Variants in PPARGC1A observed in about 807,000 individuals in gnomAD.
The protein encoded by PPARGC1A is PPARG coactivator 1 alpha, also known as peroxisome proliferator-activated receptor gamma coactivator 1-alpha.
In PPARGC1A, 25 loss-of-function variants were observed where a neutral mutation model predicts 88.7. The observed-to-expected ratio is 0.28, with a 90% CI of 0.21 to 0.39. The LOEUF (loss-of-function observed/expected upper bound fraction) is 0.39. PPARGC1A is among the 10% of genes least tolerant of loss of function. PPARGC1A has a pLI of 1.00. For synonymous variants in PPARGC1A, 363 were observed against 355.6 expected (o/e 1.02, Z -0.24); for missense variants, 880 against 968.7 (o/e 0.91, Z 1.22).
At chr4:24,133,527 C>T in the PPARGC1A span, among the ~76,000 whole-genome samples, 18 of 152,278 alleles carry the variant, frequency 1.2e-4, no homozygotes, top group Non-Finnish European at 2.1e-4. Flanking sequence ...TTCGTTATCA[C>T]GTCTTCGTTG....
the PPARGC1A span, among the ~76,000 whole-genome samples, chr4:24,355,544 A>G: frequency 1.3e-5 from 2 of 152,142 alleles, no homozygotes; most frequent in Admixed American, 1.3e-4. Context: ...AATGGCTGTC[A>G]CTGTGAAAAA....
At chr4:24,019,214 T>C in the PPARGC1A span, among the ~76,000 whole-genome samples, 1 of 152,284 alleles carries the variant, frequency 6.6e-6, no homozygotes, top group East Asian at 1.9e-4. Flanking sequence ...AACCAAATCT[T>C]TGGACATATT....
the PPARGC1A span, among the ~76,000 whole-genome samples, chr4:23,948,223 T>C: frequency 1.3e-5 from 2 of 152,186 alleles, no homozygotes; most frequent in Non-Finnish European, 2.9e-5. Flanking sequence ...TAAAACACCG[T>C]TGCTTCCCTC....
At chr4:24,009,774 G>A in the PPARGC1A span, among the ~76,000 whole-genome samples, 1 of 152,172 alleles carries the variant, frequency 6.6e-6, no homozygotes, top group Admixed American at 6.5e-5. Flanking sequence ...TGTAGCTCTG[G>A]TCCCAGCAAT....
At chr4:24,317,605 C>T in the PPARGC1A span, among the ~76,000 whole-genome samples, 4 of 95,182 alleles carry the variant, frequency 4.2e-5, no homozygotes, top group East Asian at 1.3e-3. Context: ...AACACCACCA[C>T]CAAAAGGGCT....
At chr4:24,327,873 C>T in the PPARGC1A span, among the ~76,000 whole-genome samples, 80 of 152,266 alleles carry the variant, frequency 5.3e-4, 1 homozygote, top group African/African-American at 1.4e-3. Flanking sequence ...GTGACTTGCA[C>T]GTGTATGCCC....
At chr4:24,213,039 A>C in the PPARGC1A span, among the ~76,000 whole-genome samples, 2 of 152,034 alleles carry the variant, frequency 1.3e-5, no homozygotes, top group African/African-American at 4.8e-5. Flanking sequence ...CCTGACCTAG[A>C]GCAAAGACCC....
At chr4:24,158,355 T>C in the PPARGC1A span, among the ~76,000 whole-genome samples, 1 of 152,214 alleles carries the variant, frequency 6.6e-6, no homozygotes, top group African/African-American at 2.4e-5. Context: ...ATTTATTATC[T>C]GTCTTCCGCC....
At chr4:24,259,140 G>A in the PPARGC1A span, among the ~76,000 whole-genome samples, 13 of 152,108 alleles carry the variant, frequency 8.5e-5, no homozygotes, top group African/African-American at 2.4e-4. Flanking sequence ...ATGAGTTTGG[G>A]TTCTGTGTAT....
chr4:24,387,746 AAGAGAGAG>A, the PPARGC1A span, among the ~76,000 whole-genome samples: 121 of 61,170 alleles, frequency 2.0e-3, 3 homozygotes, highest in Middle Eastern at 0.014. Context: ...GAAAGAAAGA[AAGAGAGAG>A]AGAGAGAGAG....
the PPARGC1A span, among the ~76,000 whole-genome samples, chr4:24,127,926 A>C: frequency 6.6e-6 from 1 of 152,330 alleles, no homozygotes; most frequent in Non-Finnish European, 1.5e-5. Flanking sequence ...GAATAGAATC[A>C]GACAAAGACT....
chr4:24,205,644 C>A, the PPARGC1A span, among the ~76,000 whole-genome samples: 1 of 152,042 alleles, frequency 6.6e-6, no homozygotes, highest in African/African-American at 2.4e-5. Flanking sequence ...TGCACACACC[C>A]ACACGCTCCG....
chr4:23,993,406 C>G, the PPARGC1A span, among the ~76,000 whole-genome samples: 1 of 152,124 alleles, frequency 6.6e-6, no homozygotes, highest in African/African-American at 2.4e-5. Context: ...AGATAAATTG[C>G]TGACATCTAA....
At chr4:24,302,361 T>C in the PPARGC1A span, among the ~76,000 whole-genome samples, 2 of 152,186 alleles carry the variant, frequency 1.3e-5, no homozygotes, top group Non-Finnish European at 2.9e-5. Flanking sequence ...AACTTTGAAA[T>C]TAGTGAGCAC....
At chr4:24,353,345 T>G in the PPARGC1A span, among the ~76,000 whole-genome samples, 1 of 150,574 alleles carries the variant, frequency 6.6e-6, no homozygotes, top group African/African-American at 2.5e-5. Flanking sequence ...GATTGAGAGA[T>G]GAGCCATTTC....
At chr4:23,864,063 A>T (rs1489880976) in intron 2 of PPARGC1A, among the ~76,000 whole-genome samples, 1 of 152,088 alleles carries the variant, frequency 6.6e-6, no homozygotes, top group African/African-American at 2.4e-5. Context: ...ATCTATTTCA[A>T]AGGCAACCTC....
At chr4:24,040,197 C>T in the PPARGC1A span, among the ~76,000 whole-genome samples, 1 of 152,192 alleles carries the variant, frequency 6.6e-6, no homozygotes, top group Non-Finnish European at 1.5e-5. Flanking sequence ...ATCATCAGAT[C>T]AGTTTTCCTA....
At chr4:23,863,369 A>G (rs1731588443) in intron 2 of PPARGC1A, among the ~76,000 whole-genome samples, 1 of 152,040 alleles carries the variant, frequency 6.6e-6, no homozygotes, top group Admixed American at 6.5e-5. Flanking sequence ...TCCTGACTTA[A>G]CCTTGATATT....
At chr4:23,943,533 C>A in the PPARGC1A span, among the ~76,000 whole-genome samples, 520 of 152,146 alleles carry the variant, frequency 3.4e-3, 7 homozygotes, top group African/African-American at 0.012. Context: ...GGTAAAACTG[C>A]AAGATCTATC....
Sources: gnomAD v4.1 joint callset for allele counts (sites outside exome capture counted in the v4.1 genomes callset) on GRCh38, gnomAD v4.1.1 for gene constraint, MANE v1.5 for transcripts, NCBI Gene and HGNC (gene_info 2026-07-23, HGNC 2026-07-21) for gene names.